SLC25A10: variants seen among roughly 807,000 people sequenced by gnomAD.
SLC25A10 encodes solute carrier family 25 member 10, also known as mitochondrial dicarboxylate carrier.
In SLC25A10, 32 loss-of-function variants were observed where a neutral mutation model predicts 40.4. That is an observed-to-expected ratio of 0.79 (90% CI 0.60 to 1.06). The LOEUF is 1.06. SLC25A10 is among the 50% of genes least tolerant of loss of function. The pLI, the probability that SLC25A10 is intolerant of heterozygous loss-of-function variation, is 0.00. For missense variants in SLC25A10, 394 were observed against 402.6 expected (o/e 0.98, Z 0.18); for synonymous variants, 181 against 171.1 (o/e 1.06, Z -0.45).
At chr17:81,712,941 G>A (rs2037412388) in intron 1 of SLC25A10, among the ~76,000 whole-genome samples, 1 of 152,256 alleles carries the variant, frequency 6.6e-6, no homozygotes, top group African/African-American at 2.4e-5. Context: ...AGACGTGCTG[G>A]CTGTAGCATA....
In SLC25A10 at chr17:81,720,552, CT is replaced by C; in HGVS notation, c.*477del. The C allele has an allele frequency of 7.9e-7, 1 of 1,268,422 alleles. No homozygotes were observed. The highest frequency in any genetic ancestry group is 9.9e-7 in the Non-Finnish European group (1 of 1,009,118). The allele number at this position is 1,268,422 out of a possible 1,614,324, so 78.6% of individuals were successfully genotyped here. The stretch of plus-strand genomic sequence containing the variant: ...TCGTGTCTGCTGAGAGCAACCAGAC[CT>C]TCCATGTCCTCGGGCAGCTGCAACT... On this transcript the variant is annotated 3_prime_UTR_variant, in exon 11 of 11. Transcript: ENST00000350690.
Position 81,712,337 on chromosome 17 carries a change from G to C in SLC25A10, c.-90G>C. On this transcript the variant is annotated 5_prime_UTR_variant, in exon 1 of 11. Transcript: ENST00000350690. ...GGGCGGCGCTTTGAACCGGGCGCGGGGCGCGGGGCGCGGGGCGCTGCGGCC... is the reference window on the plus strand; with the variant it reads ...GGGCGGCGCTTTGAACCGGGCGCGGCGCGCGGGGCGCGGGGCGCTGCGGCC... 1 of 903,354 alleles carries C rather than the reference G, an allele frequency of 1.1e-6. No individual in the cohort carries two copies. Among genetic ancestry groups the C allele is most frequent in the Non-Finnish European group, 1.4e-6 (1 of 704,370 alleles). 56.0% of individuals were successfully genotyped at this position (903,354 alleles called of 1,614,324 possible).
At chr17:81,716,367 C>T (rs1256427863) in intron 5 of SLC25A10, among the ~76,000 whole-genome samples, 1 of 152,206 alleles carries the variant, frequency 6.6e-6, no homozygotes, top group Non-Finnish European at 1.5e-5. Flanking sequence ...GGAGGCGCTG[C>T]CTCCCTGCCC....
chr17:81,713,304 G>A (rs2037419536), intron 1 of SLC25A10: 2 of 231,666 alleles, frequency 8.6e-6, no homozygotes, highest in African/African-American at 2.3e-5. Context: ...TCTTGCCACA[G>A]AGAACAAAGA....
chr17:81,715,804 C>T, intron 4 of SLC25A10, 63 bp downstream of exon 4: 9 of 1,596,006 alleles, frequency 5.6e-6, no homozygotes, highest in Non-Finnish European at 7.7e-6. Context: ...CATGCCAGGG[C>T]CTGCCAGGGC....
chr17:81,717,901 C>A, intron 9 of SLC25A10, 40 bp downstream of exon 9: 1 of 1,503,838 alleles, frequency 6.6e-7, no homozygotes, highest in Non-Finnish European at 9.1e-7. Context: ...CTGCACAGCC[C>A]AGCGAGTCCC....
chr17:81,719,909 C>A (rs757137165), intron 10 of SLC25A10, 22 bp downstream of exon 10: 4 of 1,613,504 alleles, frequency 2.5e-6, no homozygotes, highest in Middle Eastern at 1.7e-4. Context: ...GCGGCAGTGG[C>A]GGCTTGGGCA....
Position 81,715,564 on chromosome 17 carries a change from C to T in SLC25A10, c.300C>T (p.His100=), listed in dbSNP as rs545081924. ...AKGSQGPLPF[H]EKVLLGSVSG... is the part of the protein sequence containing the mutation. ...GCAGCCAGGGGCCTCTCCCCTTCCA[C>T]GAGAAGGTGTTGCTGGGCTCCGTCA... The change falls in exon 3 of 11, where the codon CAC becomes CAT. Residue 100 remains histidine (H), a synonymous_variant. Transcript: ENST00000350690. 1.2e-5 allele frequency: 19 copies of T among 1,612,818 alleles called. No homozygotes were observed. The highest frequency in any genetic ancestry group is 1.5e-5 in the Non-Finnish European group (18 of 1,179,804).
chr17:81,717,389 G>A lies in SLC25A10; in HGVS notation c.535-10G>A, dbSNP rs1215429531. The A allele has an allele frequency of 6.2e-7, 1 of 1,613,066 alleles. No individual in the cohort carries two copies. Among genetic ancestry groups the A allele is most frequent in the South Asian group, 1.1e-5 (1 of 91,078 alleles). ...CCCCTACAGCCCTGACCGCCCTTGT[G>A]CCCCTGCAGCTGTCCTGCTACGACC... is the stretch of plus-strand genomic sequence containing the variant. On this transcript the variant is annotated splice_polypyrimidine_tract_variant and intron_variant, in intron 7 of 10. Transcript: ENST00000350690.
intron 2 of SLC25A10, 102 bp downstream of exon 2, chr17:81,715,174 G>T (rs1284696120): frequency 1.1e-5 from 16 of 1,496,348 alleles, no homozygotes; most frequent in Non-Finnish European, 1.4e-5. Context: ...TGCAAGGAAG[G>T]ACCCACCAGG....
intron 1 of SLC25A10, 150 bp downstream of exon 1, chr17:81,712,669 GCCGATCCCGGGTGGC>G (rs2037406081): frequency 1.9e-6 from 1 of 525,834 alleles, no homozygotes; most frequent in African/African-American, 2.0e-5. Flanking sequence ...CGCCCGGATG[GCCGATCCCGGGTGGC>G]CCTCCAGTGG....
chr17:81,713,553 TGGGA>T, intron 1 of SLC25A10: 1 of 943,060 alleles, frequency 1.1e-6, no homozygotes, highest in Non-Finnish European at 1.3e-6. Flanking sequence ...TCACTGGTCC[TGGGA>T]GAGGCCTTCA....
Position 81,720,005 on chromosome 17 carries a change from C to G in SLC25A10, c.792C>G (p.Ile264Met), listed in dbSNP as rs2037561616. 3 of 1,613,836 alleles carry G rather than the reference C, an allele frequency of 1.9e-6. No homozygotes were observed. The highest frequency in any genetic ancestry group is 2.5e-6 in the Non-Finnish European group (3 of 1,180,034). Residue 264 changes from isoleucine (I) to methionine (M), a missense_variant, in exon 11 of 11, where the codon ATC (isoleucine) becomes ATG (methionine). Coordinates refer to ENST00000350690, the MANE Select transcript of SLC25A10 (RefSeq NM_012140.5). Reference protein sequence around the residue: ...KGLVPAGIRLIPHTVLTFVFL... With the variant: ...KGLVPAGIRLMPHTVLTFVFL... ...TCGTCCCAGCTGGCATCCGCCTCAT[C>G]CCCCACACCGTGCTCACTTTTGTGT...
intron 5 of SLC25A10, chr17:81,716,544 T>C: frequency 5.2e-6 from 3 of 571,744 alleles, no homozygotes; most frequent in Non-Finnish European, 9.4e-6. Flanking sequence ...CCCCGGGGGC[T>C]GGCGGGCAGG....
chr17:81,715,912 T>A (rs926785250), intron 4 of SLC25A10, 97 bp from the exon 5 acceptor site: 5 of 1,453,844 alleles, frequency 3.4e-6, no homozygotes, highest in Middle Eastern at 2.1e-4. Context: ...TGCCCTGTCC[T>A]GTGGGCCCCG....
At chr17:81,716,463 C>T (rs369348133) in intron 5 of SLC25A10, among the ~76,000 whole-genome samples, 2 of 152,172 alleles carry the variant, frequency 1.3e-5, no homozygotes, top group Non-Finnish European at 2.9e-5. Flanking sequence ...GAGCCACTTC[C>T]CCCGCCCCTT....
rs2037575899 is a variant in SLC25A10 at position 81,720,732 on chromosome 17, C to CT, written c.*658dup. On this transcript the variant is annotated 3_prime_UTR_variant, in exon 11 of 11. Transcript: ENST00000350690. ...CGCACCGCTGCCTGCCCTGCAGTGG[C>CT]TTTAACAGTTAGTTTTGCCAAAGCC... is the stretch of plus-strand genomic sequence containing the variant. The CT allele has an allele frequency of 2.6e-6, 1 of 389,452 alleles. No individual in the cohort carries two copies. Among genetic ancestry groups the CT allele is most frequent in the South Asian group, 1.4e-4 (1 of 7,096 alleles). The allele number at this position is 389,452 out of a possible 1,614,324, so 24.1% of individuals were successfully genotyped here.
In SLC25A10 at chr17:81,717,033, C is replaced by T. The variant is rs1305617848; in HGVS notation, c.495C>T (p.Thr165=). ...TCAGGAGACTGTTCTCGGGTGCAACCATGGCATCCAGCCGAGGGGCCTTAG... is the reference window on the plus strand; with the variant it reads ...TCAGGAGACTGTTCTCGGGTGCAACTATGGCATCCAGCCGAGGGGCCTTAG... The part of the protein sequence containing the change: ...EGLRRLFSGA[T]MASSRGALVT... The change falls in exon 7 of 11, where the codon ACC becomes ACT. Residue 165 remains threonine (T), a synonymous_variant. Transcript: ENST00000350690. 1.1e-5 allele frequency: 17 copies of T among 1,613,646 alleles called. No individual in the cohort carries two copies. In the Admixed American group the frequency reaches 2.8e-4, roughly 27 times the overall value.
chr17:81,717,816 G>T lies in SLC25A10; in HGVS notation c.660G>T (p.Leu220=). Residue 220 remains leucine, a synonymous_variant, in exon 9 of 11, where the codon CTG becomes CTT. Coordinates refer to ENST00000350690, the MANE Select transcript of SLC25A10 (RefSeq NM_012140.5). ...GGCATFLCQP[L]DVLKTRLMNS... is the part of the protein sequence containing the mutation. ...GTGCCACGTTCCTGTGCCAGCCCCT[G>T]GATGTGCTGAAGACTCGCCTGATGA... is the stretch of plus-strand genomic sequence containing the variant. 1 of 1,612,136 alleles carries T rather than the reference G, an allele frequency of 6.2e-7. No homozygotes were observed.
Sources: gnomAD v4.1 joint callset for allele counts (sites outside exome capture counted in the v4.1 genomes callset) on GRCh38, gnomAD v4.1.1 for gene constraint, MANE v1.5 for transcripts, NCBI Gene and HGNC (gene_info 2026-07-23, HGNC 2026-07-21) for gene names.